Variants in BLTP3B observed in about 807,000 individuals in gnomAD.
BLTP3B encodes the protein UHRF1 (ICBP90) binding protein 1-like.
chr12:100,048,102 A>G, the BLTP3B span: 1 of 1,613,232 alleles, frequency 6.2e-7, no homozygotes, highest in Non-Finnish European at 8.5e-7. Context: ...TTTTTTCTGC[A>G]AGTAAAGAGT....
the BLTP3B span, among the ~76,000 whole-genome samples, chr12:100,042,654 A>T: frequency 2.6e-4 from 40 of 152,340 alleles, no homozygotes; most frequent in African/African-American, 7.9e-4. Flanking sequence ...GAAAAGTTGA[A>T]CACTGTTGTC....
chr12:100,055,707 A>G, the BLTP3B span, among the ~76,000 whole-genome samples: 1 of 151,836 alleles, frequency 6.6e-6, no homozygotes, highest in African/African-American at 2.4e-5. Flanking sequence ...GAATAACAAG[A>G]AAGACAATCC....
At chr12:100,133,084 T>C in the BLTP3B span, among the ~76,000 whole-genome samples, 3 of 151,498 alleles carry the variant, frequency 2.0e-5, no homozygotes, top group Non-Finnish European at 4.4e-5. Context: ...TCTACAAAAA[T>C]AAAAAAATTT....
chr12:100,048,875 G>A, the BLTP3B span, among the ~76,000 whole-genome samples: 2 of 145,378 alleles, frequency 1.4e-5, no homozygotes, highest in East Asian at 4.1e-4. Flanking sequence ...GCCTAGAGAG[G>A]TATAAACACA....
chr12:100,071,453 C>T, the BLTP3B span, among the ~76,000 whole-genome samples: 19 of 141,112 alleles, frequency 1.3e-4, no homozygotes, highest in Admixed American at 3.1e-4. Flanking sequence ...GCCAAGATCA[C>T]GCCACCGCAC....
chr12:100,055,677 C>CAA, the BLTP3B span, among the ~76,000 whole-genome samples: 9 of 83,346 alleles, frequency 1.1e-4, no homozygotes, highest in South Asian at 1.3e-3. Flanking sequence ...AACTACATCT[C>CAA]AAAAAAAAAA....
At chr12:100,039,821 T>C in the BLTP3B span, 8 of 1,567,882 alleles carry the variant, frequency 5.1e-6, no homozygotes, top group East Asian at 1.6e-4. Flanking sequence ...TCAGATAACA[T>C]TTCCAAATAC....
chr12:100,072,921 G>A, the BLTP3B span: 7 of 1,209,936 alleles, frequency 5.8e-6, no homozygotes, highest in Non-Finnish European at 7.8e-6. Context: ...CTTTGCTAAT[G>A]GTTAATTTCC....
At chr12:100,089,288 T>C in the BLTP3B span, among the ~76,000 whole-genome samples, 1 of 152,086 alleles carries the variant, frequency 6.6e-6, no homozygotes, top group African/African-American at 2.4e-5. Context: ...ACGGTAAAAC[T>C]AGGCTCATGC....
At chr12:100,071,013 T>C in the BLTP3B span, among the ~76,000 whole-genome samples, 2 of 152,108 alleles carry the variant, frequency 1.3e-5, no homozygotes, top group East Asian at 3.9e-4. Flanking sequence ...ACAACATATA[T>C]TAATAAATCA....
the BLTP3B span, among the ~76,000 whole-genome samples, chr12:100,103,091 A>C: frequency 1.3e-5 from 2 of 152,078 alleles, no homozygotes; most frequent in Admixed American, 1.3e-4. Context: ...TGTGTATTAC[A>C]GGTGTTGGGG....
chr12:100,132,746 G>GAGAC, the BLTP3B span, among the ~76,000 whole-genome samples: 7 of 149,290 alleles, frequency 4.7e-5, no homozygotes, highest in Non-Finnish European at 1.0e-4. Context: ...CAGGAGTCTT[G>GAGAC]AGACCAGCCT....
chr12:100,047,627 G>A, the BLTP3B span: 1 of 1,608,196 alleles, frequency 6.2e-7, no homozygotes, highest in Non-Finnish European at 8.5e-7. Flanking sequence ...TACTACTCCG[G>A]GGACTATCAT....
At chr12:100,052,872 C>T in the BLTP3B span, among the ~76,000 whole-genome samples, 4 of 148,068 alleles carry the variant, frequency 2.7e-5, no homozygotes, top group African/African-American at 1.0e-4. Flanking sequence ...CTGCTCACTG[C>T]AGCCTCCGCC....
the BLTP3B span, among the ~76,000 whole-genome samples, chr12:100,094,704 A>G: frequency 6.6e-6 from 1 of 152,176 alleles, no homozygotes; most frequent in African/African-American, 2.4e-5. Flanking sequence ...CAAAATTACA[A>G]AACAAATTAG....
At chr12:100,132,045 G>GC in the BLTP3B span, among the ~76,000 whole-genome samples, 1 of 152,118 alleles carries the variant, frequency 6.6e-6, no homozygotes, top group East Asian at 1.9e-4. Flanking sequence ...ACCCGCCTTG[G>GC]CCTCCCAAAG....
chr12:100,072,022 A>G, the BLTP3B span, among the ~76,000 whole-genome samples: 1 of 152,256 alleles, frequency 6.6e-6, no homozygotes, highest in East Asian at 1.9e-4. Flanking sequence ...GCACTATGGG[A>G]GTCCAAGGTG....
chr12:100,118,539 A>G, the BLTP3B span, among the ~76,000 whole-genome samples: 1 of 152,220 alleles, frequency 6.6e-6, no homozygotes, highest in Admixed American at 6.5e-5. Flanking sequence ...TAGAAAAAGG[A>G]CATTGGGTAA....
At chr12:100,040,316 A>G in the BLTP3B span, among the ~76,000 whole-genome samples, 1 of 152,170 alleles carries the variant, frequency 6.6e-6, no homozygotes, top group Non-Finnish European at 1.5e-5. Context: ...GAACTGCTTG[A>G]GACCAGGAGT....
Sources: gnomAD v4.1 joint callset for allele counts (sites outside exome capture counted in the v4.1 genomes callset) on GRCh38, gnomAD v4.1.1 for gene constraint, MANE v1.5 for transcripts, NCBI Gene and HGNC (gene_info 2026-07-23, HGNC 2026-07-21) for gene names.